MYO3B: variants seen among roughly 807,000 people sequenced by gnomAD.
The protein encoded by MYO3B is myosin-IIIb.
Under a neutral mutation model 174.6 loss-of-function variants are expected in MYO3B, and 156 were observed. The observed-to-expected ratio is 0.89, with a 90% CI of 0.78 to 1.02. MYO3B has a LOEUF of 1.02. Among genes scored for constraint, MYO3B ranks in the 50% least tolerant of loss-of-function variants. The pLI, the probability that MYO3B is intolerant of heterozygous loss-of-function variation, is 0.00. For synonymous variants in MYO3B, 563 were observed against 569.1 expected, an observed-to-expected ratio of 0.99 and a Z score of 0.15; for missense variants, 1,632 against 1,639.4, an observed-to-expected ratio of 1.00 and a Z score of 0.08.
rs1491089123 is a variant in MYO3B at position 170,600,131 on chromosome 2, TTG to T, written c.3734-51495_3734-51494del. ...GAAGATAAGCCCTTCCTTGTTGTTG[TTG>T]TTTTTTTTTAACTCTGCAATTATTA... On this transcript the variant is annotated intron_variant, in intron 32 of 34. Coordinates refer to ENST00000408978, the MANE Select transcript of MYO3B (RefSeq NM_138995.5). Among the ~76,000 whole-genome samples the T allele has an allele frequency of 7.1e-3, 933 of 132,108 alleles. 12 individuals are homozygous for T. The highest frequency in any genetic ancestry group is 0.033 in the African/African-American group (893 of 27,120). 86.7% of individuals were successfully genotyped at this position (132,108 alleles called of 152,430 possible). A position where few individuals can be genotyped will look rare whatever the true frequency, so the allele number is the denominator to read the frequency against.
intron 7 of MYO3B, among the ~76,000 whole-genome samples, chr2:170,296,997 G>A (rs1330068958): frequency 2.6e-5 from 4 of 152,092 alleles, no homozygotes; most frequent in Non-Finnish European, 5.9e-5. Context: ...CTCCCACCAG[G>A]CCCCACCTCC....
chr2:170,391,599 C>T lies in MYO3B; in HGVS notation c.1657C>T (p.Pro553Ser), dbSNP rs2105766892. 6.3e-7 allele frequency: 1 copy of T among 1,583,552 alleles called. No homozygotes were observed. The highest frequency in any genetic ancestry group is 1.2e-5 in the South Asian group (1 of 85,642). ...AAAGAAGCTTTCTGATTTCAGACTT[C>T]CTGAGGAAAAACCTCCTAGGTAAGT... is the stretch of plus-strand genomic sequence containing the variant. ...HQKKLSDFRL[P>S]EEKPPRYIAD... The change falls in exon 15 of 35, where the codon CCT becomes TCT. Residue 553 changes from proline to serine, a missense_variant. By Grantham distance (74) the Pro-to-Ser change is moderately conservative. Coordinates refer to ENST00000408978, the MANE Select transcript of MYO3B (RefSeq NM_138995.5).
chr2:170,601,425 A>G (rs1694502339), intron 32 of MYO3B, among the ~76,000 whole-genome samples: 1 of 152,330 alleles, frequency 6.6e-6, no homozygotes, highest in East Asian at 1.9e-4. Context: ...TGAAAATACC[A>G]CCAGGACAGG....
At chr2:170,621,217 T>A (rs1055019248) in intron 32 of MYO3B, among the ~76,000 whole-genome samples, 1 of 152,096 alleles carries the variant, frequency 6.6e-6, no homozygotes, top group Non-Finnish European at 1.5e-5. Flanking sequence ...GAAAAGATAG[T>A]CCAGGACAAC....
At chr2:170,204,800 A>ATCCC (rs1452509284) in intron 3 of MYO3B, among the ~76,000 whole-genome samples, 2 of 152,250 alleles carry the variant, frequency 1.3e-5, no homozygotes, top group African/African-American at 4.8e-5. Flanking sequence ...CTGGGGTGGG[A>ATCCC]GGCTTGGTTG....
chr2:170,553,998 A>G (rs1026071145), intron 32 of MYO3B, among the ~76,000 whole-genome samples: 4 of 152,098 alleles, frequency 2.6e-5, no homozygotes, highest in South Asian at 2.1e-4. Context: ...GGCCTCCCCA[A>G]TCATGCCTCC....
chr2:170,297,701 G>A (rs560967036), intron 7 of MYO3B, among the ~76,000 whole-genome samples: 2 of 152,226 alleles, frequency 1.3e-5, no homozygotes, highest in East Asian at 3.9e-4. Context: ...TATAGAAATA[G>A]TTTCCAGAAA....
At chr2:170,500,346 C>A (rs184327964) in intron 27 of MYO3B, among the ~76,000 whole-genome samples, 7 of 152,248 alleles carry the variant, frequency 4.6e-5, no homozygotes, top group African/African-American at 1.7e-4. Flanking sequence ...TAGCCTGGGA[C>A]AAAGTTCATC....
chr2:170,225,666 A>C (rs1357444177), intron 6 of MYO3B, among the ~76,000 whole-genome samples: 1 of 152,228 alleles, frequency 6.6e-6, no homozygotes, highest in Non-Finnish European at 1.5e-5. Flanking sequence ...TGAATAAAAA[A>C]GCACAAATTT....
At chr2:170,366,907 G>A (rs2094203310) in intron 8 of MYO3B, among the ~76,000 whole-genome samples, 1 of 152,100 alleles carries the variant, frequency 6.6e-6, no homozygotes, top group African/African-American at 2.4e-5. Flanking sequence ...TGGAGTATGG[G>A]TTTCCTAGTC....
chr2:170,592,951 G>A (rs1051865841), intron 32 of MYO3B, among the ~76,000 whole-genome samples: 30 of 151,486 alleles, frequency 2.0e-4, no homozygotes, highest in Non-Finnish European at 4.0e-4. Flanking sequence ...TCTATATATA[G>A]ATATATATCT....
Position 170,396,070 on chromosome 2 carries a change from T to A in MYO3B, c.1791+3575T>A, listed in dbSNP as rs1002252563. Among the ~76,000 whole-genome samples, 4 of 152,350 alleles carry A rather than the reference T, an allele frequency of 2.6e-5. No homozygotes were observed. The South Asian group carries it at 8.3e-4, about 32-fold the overall frequency. ...TTGGTAGTGAAACAGTTTATACCCA[T>A]CAACAATAAATTGAGAAACCCAGTT... On this transcript the variant is annotated intron_variant, in intron 16 of 34. Transcript: ENST00000408978.
Position 170,262,618 on chromosome 2 carries a change from G to A in MYO3B, c.749+26482G>A, listed in dbSNP as rs62172042. 6.6e-3 allele frequency among the ~76,000 whole-genome samples: 999 copies of A among 152,276 alleles called. 7 individuals carry two copies. Among genetic ancestry groups the A allele is most frequent in the Non-Finnish European group, 9.9e-3 (670 of 68,014 alleles). On this transcript the variant is annotated intron_variant, in intron 7 of 34. Coordinates refer to ENST00000408978, the MANE Select transcript of MYO3B (RefSeq NM_138995.5). ...GGTGACTGGTTGTGTGACAGGTTCT[G>A]AGGGCCAGGAAGAAATCAAAGCTGA...
chr2:170,432,958 C>T (rs1019718939), intron 22 of MYO3B, among the ~76,000 whole-genome samples: 7 of 152,138 alleles, frequency 4.6e-5, no homozygotes, highest in African/African-American at 1.4e-4. Flanking sequence ...GTAATGTACA[C>T]TAATGTACTA....
chr2:170,297,716 T>C (rs1243993902), intron 7 of MYO3B, among the ~76,000 whole-genome samples: 1 of 152,140 alleles, frequency 6.6e-6, no homozygotes, highest in African/African-American at 2.4e-5. Context: ...CAGAAATATA[T>C]AGAGTAATAA....
intron 32 of MYO3B, among the ~76,000 whole-genome samples, chr2:170,562,866 G>C (rs1019624511): frequency 6.6e-6 from 1 of 152,118 alleles, no homozygotes; most frequent in Non-Finnish European, 1.5e-5. Context: ...TTTCCTGTCT[G>C]TCATGTCACA....
intron 30 of MYO3B, among the ~76,000 whole-genome samples, chr2:170,537,079 T>A (rs1264473470): frequency 6.6e-6 from 1 of 151,658 alleles, no homozygotes; most frequent in African/African-American, 2.4e-5. Flanking sequence ...TGGGCGCTTG[T>A]AATCCCAGTT....
intron 23 of MYO3B, among the ~76,000 whole-genome samples, chr2:170,460,020 C>T (rs1307468719): frequency 1.3e-5 from 2 of 152,086 alleles, no homozygotes; most frequent in African/African-American, 4.8e-5. Context: ...TTTACCTCCC[C>T]GCAAGCAGAA....
chr2:170,386,528 A>G (rs570718251), intron 13 of MYO3B, among the ~76,000 whole-genome samples: 1 of 152,330 alleles, frequency 6.6e-6, no homozygotes, highest in South Asian at 2.1e-4. Context: ...TCAATGTAAT[A>G]GAAACATTCA....
Sources: allele counts gnomAD v4.1 joint callset (sites outside exome capture counted in the v4.1 genomes callset), GRCh38; gene constraint gnomAD v4.1.1; transcripts MANE v1.5; gene names NCBI Gene and HGNC (gene_info 2026-07-23, HGNC 2026-07-21).